Variants in UPP2 observed in about 807,000 individuals in gnomAD.
The protein encoded by UPP2 is UPase 2.
UPP2 carries 23 observed loss-of-function variants against 26.7 expected under a neutral mutation model. That is an observed-to-expected ratio of 0.86 (90% CI 0.62 to 1.22). The LOEUF (loss-of-function observed/expected upper bound fraction) is 1.22. Ranked by LOEUF, UPP2 falls within the 50% of genes most tolerant of loss-of-function variation. The pLI, the probability that UPP2 is intolerant of heterozygous loss-of-function variation, is 0.00. For missense variants in UPP2, 387 were observed against 396.7 expected (o/e 0.98, Z 0.21); for synonymous variants, 127 against 141.3 (o/e 0.90, Z 0.72).
chr2:158,128,149 C>A, intron 6 of UPP2: 1 of 393,706 alleles, frequency 2.5e-6, no homozygotes, highest in Non-Finnish European at 3.5e-6. Flanking sequence ...CTGCTTAAAT[C>A]CTCTTCTATG....
intron 3 of UPP2, among the ~76,000 whole-genome samples, chr2:158,053,938 G>T (rs2105173416): frequency 6.6e-6 from 1 of 152,278 alleles, no homozygotes; most frequent in South Asian, 2.1e-4. Context: ...GTAACTATCT[G>T]TCACAAGCAT....
chr2:158,054,355 T>C (rs1229220951), intron 3 of UPP2, among the ~76,000 whole-genome samples: 1 of 150,672 alleles, frequency 6.6e-6, no homozygotes, highest in Non-Finnish European at 1.5e-5. Context: ...GTTTACTTTT[T>C]CATGTTTTTG....
chr2:158,134,072 GT>G (rs950701387), intron 6 of UPP2: 1 of 151,840 alleles, frequency 6.6e-6, no homozygotes, highest in Non-Finnish European at 1.5e-5. Flanking sequence ...AAAGACTTTT[GT>G]TTTTTTTCCT....
At chr2:158,123,649 AG>A in intron 5 of UPP2, 99 bp from the exon 6 acceptor site, 3 of 1,379,452 alleles carry the variant, frequency 2.2e-6, no homozygotes, top group Non-Finnish European at 3.0e-6. Context: ...CTGTAGAGTT[AG>A]ACAGCGGCAG....
intron 3 of UPP2, among the ~76,000 whole-genome samples, chr2:158,077,132 A>T (rs1682642620): frequency 6.6e-6 from 1 of 152,136 alleles, no homozygotes; most frequent in African/African-American, 2.4e-5. Context: ...TCTATAATGA[A>T]AACTAAACAT....
chr2:158,120,429 C>T (rs532561477), intron 4 of UPP2, among the ~76,000 whole-genome samples: 7 of 152,104 alleles, frequency 4.6e-5, no homozygotes, highest in Admixed American at 4.6e-4. Context: ...TGAAAACATT[C>T]ACTCATTTGA....
At chr2:158,097,560 C>T (rs762559315), upstream of UPP2, among the ~76,000 whole-genome samples, 1 of 152,126 alleles carries the variant, frequency 6.6e-6, no homozygotes, top group Non-Finnish European at 1.5e-5. Flanking sequence ...ATTATTAAAA[C>T]TTTTACAACA....
intron 1 of UPP2, among the ~76,000 whole-genome samples, 198 bp from the exon 2 acceptor site, chr2:158,105,901 C>T (rs1683182258): frequency 6.6e-6 from 1 of 152,194 alleles, no homozygotes; most frequent in Non-Finnish European, 1.5e-5. Flanking sequence ...TTGTTATATG[C>T]AGTTTTCTTG....
chr2:158,127,524 CT>C (rs1295846381), intron 6 of UPP2, among the ~76,000 whole-genome samples: 1 of 152,116 alleles, frequency 6.6e-6, no homozygotes, highest in African/African-American at 2.4e-5. Flanking sequence ...AAACTTTAAC[CT>C]TTATTCCCCA....
intron 2 of UPP2, among the ~76,000 whole-genome samples, chr2:158,111,837 A>G (rs1359129234): frequency 6.6e-6 from 1 of 152,144 alleles, no homozygotes; most frequent in Non-Finnish European, 1.5e-5. Flanking sequence ...CTTTTAATCA[A>G]TGTTGTACGA....
chr2:158,109,499 A>C (rs1038088526), intron 2 of UPP2, among the ~76,000 whole-genome samples: 2 of 152,142 alleles, frequency 1.3e-5, no homozygotes, highest in Non-Finnish European at 2.9e-5. Context: ...TCAAGGCATA[A>C]ATTGCTGTTT....
At chr2:158,033,901 C>T (rs185758515) in intron 3 of UPP2, among the ~76,000 whole-genome samples, 1 of 152,266 alleles carries the variant, frequency 6.6e-6, no homozygotes, top group Admixed American at 6.5e-5. Flanking sequence ...GCCCTGAAAA[C>T]ATTAGGAGTT....
rs866294959 is a variant in UPP2 at position 158,083,472 on chromosome 2, G to A, written c.148-18568G>A. On this transcript the variant is annotated intron_variant, in intron 3 of 9. Transcript: ENST00000605860. Reference sequence around the variant, plus strand: ...ACACAAGAACAGAAAACCAAACACCGCATGTTTTCACTCTTAAGTGGGAGT... The same window carrying A: ...ACACAAGAACAGAAAACCAAACACCACATGTTTTCACTCTTAAGTGGGAGT... 8.6e-5 allele frequency among the ~76,000 whole-genome samples: 13 copies of A among 151,890 alleles called. No homozygotes were observed. In the Middle Eastern group the frequency reaches 0.014, roughly 160 times the overall value.
chr2:158,066,508 T>C (rs925980905), intron 3 of UPP2, among the ~76,000 whole-genome samples: 1 of 152,206 alleles, frequency 6.6e-6, no homozygotes, highest in Non-Finnish European at 1.5e-5. Context: ...CCTTATGTAG[T>C]TTATTCCTTC....
At chr2:158,083,488 A>C (rs1031611138) in intron 3 of UPP2, among the ~76,000 whole-genome samples, 4 of 152,124 alleles carry the variant, frequency 2.6e-5, no homozygotes, top group Non-Finnish European at 1.5e-5. Flanking sequence ...TTTCACTCTT[A>C]AGTGGGAGTT....
In UPP2 at chr2:158,102,068, C is replaced by G. The variant is rs137931668; in HGVS notation, c.5C>G (p.Ala2Gly). 4.1e-5 allele frequency: 66 copies of G among 1,613,396 alleles called. 1 individual carries two copies. In the African/African-American group the frequency reaches 6.1e-4, roughly 15 times the overall value. M[A>G]SVIPASNRSM... Reference sequence around the variant, plus strand: ...ACTTTTCACATAGTAGAGAGAATGGCTTCAGTTATACCTGCCTCCAATAGG... The same window carrying G: ...ACTTTTCACATAGTAGAGAGAATGGGTTCAGTTATACCTGCCTCCAATAGG... The change falls in exon 1 of 7, where the codon GCT (alanine) becomes GGT (glycine). Residue 2 changes from alanine (A) to glycine (G), a missense_variant. Coordinates refer to ENST00000005756, the MANE Select transcript of UPP2 (RefSeq NM_173355.4).
In UPP2 at chr2:158,081,642, GA is replaced by G. The variant is rs572273439; in HGVS notation, c.148-20396del. Among the ~76,000 whole-genome samples, 32 of 152,224 alleles carry G rather than the reference GA, an allele frequency of 2.1e-4. No individual in the cohort carries two copies. In the East Asian group the frequency reaches 3.5e-3, roughly 17 times the overall value. On this transcript the variant is annotated intron_variant, in intron 3 of 9. Coordinates refer to the UPP2 transcript ENST00000605860. ...ATAAAATAATATTCAGCCATAAAAA[GA>G]ATGAAATCCTGTCATTTGCAACAAC...
intron 3 of UPP2, among the ~76,000 whole-genome samples, chr2:158,067,233 T>G (rs1452762701): frequency 2.0e-5 from 3 of 152,124 alleles, no homozygotes; most frequent in Admixed American, 2.0e-4. Flanking sequence ...TAAGGTTAGT[T>G]CAACCATATA....
chr2:158,106,384 TTTCCACCTCAACAAGACATAAAGG>T (rs2105214942), intron 2 of UPP2, among the ~76,000 whole-genome samples, 168 bp downstream of exon 2: 1 of 152,298 alleles, frequency 6.6e-6, no homozygotes, highest in East Asian at 1.9e-4. Context: ...TGAACAATCA[TTTCCACCTCAACAAGACATAAAGG>T]TTCCCAAACT....
Sources: allele counts gnomAD v4.1 joint callset (sites outside exome capture counted in the v4.1 genomes callset), GRCh38; gene constraint gnomAD v4.1.1; transcripts MANE v1.5; gene names NCBI Gene and HGNC (gene_info 2026-07-23, HGNC 2026-07-21).